TGM4: variants seen among roughly 807,000 people sequenced by gnomAD.
TGM4 encodes protein-glutamine gamma-glutamyltransferase 4.
TGM4 carries 61 observed loss-of-function variants against 76.3 expected under a neutral mutation model. The ratio of observed to expected loss-of-function variants is 0.80; its 90% CI spans 0.65 to 0.99. TGM4 has a LOEUF of 0.99. Among genes scored for constraint, TGM4 ranks in the 50% least tolerant of loss-of-function variants. TGM4 has a pLI of 0.00. For synonymous variants in TGM4, 337 were observed against 329.8 expected (o/e 1.02, Z -0.24); for missense variants, 794 against 843.2 (o/e 0.94, Z 0.72).
At position 44,913,609 on chromosome 3, in the gene TGM4, C is replaced by A; in HGVS notation, c.1939C>A (p.Gln647Lys). Residue 647 changes from glutamine (Q) to lysine (K), a missense_variant, in exon 14 of 14, where the codon CAA (glutamine) becomes AAA (lysine). Gln to Lys is a moderately conservative substitution (Grantham distance 53). Coordinates refer to ENST00000296125, the MANE Select transcript of TGM4 (RefSeq NM_003241.4). ...GACGGTGCAGCCTGGTGAGACCATC[C>A]AATCCCAAATAAAATGCACCCCAAT... ...HGTVQPGETI[Q>K]SQIKCTPIKT... 3 of 1,614,098 alleles carry A rather than the reference C, an allele frequency of 1.9e-6. No individual in the cohort carries two copies. The highest frequency in any genetic ancestry group is 2.5e-6 in the Non-Finnish European group (3 of 1,179,992).
rs573640591 is a variant in TGM4 at position 44,878,275 on chromosome 3, C to G, written c.19+3578C>G. Among the ~76,000 whole-genome samples the G allele has an allele frequency of 2.0e-5, 3 of 151,600 alleles. No individual in the cohort carries two copies. The South Asian group carries it at 6.2e-4, about 32-fold the overall frequency. On this transcript the variant is annotated intron_variant, in intron 1 of 13. Transcript: ENST00000296125. The stretch of plus-strand genomic sequence containing the variant: ...AAGAGAGAGAGAGAGAGAAGCAAGG[C>G]GCAGAATAGTGTATTGAGAAAGCTC...
At position 44,903,892 on chromosome 3, in the gene TGM4, A is replaced by C. The variant is rs1220946850; in HGVS notation, c.980A>C (p.His327Pro). 1 of 1,613,692 alleles carries C rather than the reference A, an allele frequency of 6.2e-7. No individual in the cohort carries two copies. The highest frequency in any genetic ancestry group is 1.3e-5 in the African/African-American group (1 of 74,918). Reference sequence around the variant, plus strand: ...TTCCCAATTTGCGGCAGGAATTTCCATGTGTGGACGGATGCCTGGATGAAG... The same window carrying C: ...TTCCCAATTTGCGGCAGGAATTTCCCTGTGTGGACGGATGCCTGGATGAAG... ...SMTHDSVWNFHVWTDAWMKRP... is the reference protein window; with the variant it reads ...SMTHDSVWNFPVWTDAWMKRP... The change falls in exon 9 of 14, where the codon CAT (histidine) becomes CCT (proline). Residue 327 changes from histidine to proline, a missense_variant. By Grantham distance (77) the His-to-Pro change is moderately conservative (BLOSUM62 -2). Transcript: ENST00000296125.
At chr3:44,893,469 C>T in intron 4 of TGM4, 108 bp from the exon 5 acceptor site, 3 of 932,962 alleles carry the variant, frequency 3.2e-6, no homozygotes, top group Admixed American at 3.6e-5. Context: ...TGTTCCAAGC[C>T]CCTCACAAAG....
At position 44,887,841 on chromosome 3, in the gene TGM4, G is replaced by T; in HGVS notation, c.300+46G>T. 1.9e-6 allele frequency: 3 copies of T among 1,560,914 alleles called. No individual in the cohort carries two copies. The East Asian group carries it at 6.8e-5, about 35-fold the overall frequency. On this transcript the variant is annotated intron_variant, in intron 3 of 13. Coordinates refer to ENST00000296125, the MANE Select transcript of TGM4 (RefSeq NM_003241.4). The stretch of plus-strand genomic sequence containing the variant: ...CGGGTGGGCTGGCTGGCTTCTGGCG[G>T]AATGCTCCTAATGTGAGCAGCCCCT...
chr3:44,897,506 C>T (rs1306695836), intron 6 of TGM4, among the ~76,000 whole-genome samples: 1 of 152,188 alleles, frequency 6.6e-6, no homozygotes, highest in African/African-American at 2.4e-5. Flanking sequence ...GGTTTTAGCA[C>T]TAAGAATACT....
chr3:44,878,813 T>C (rs1023492886), intron 1 of TGM4, among the ~76,000 whole-genome samples: 2 of 152,084 alleles, frequency 1.3e-5, no homozygotes, highest in Non-Finnish European at 2.9e-5. Context: ...TTCTTTGTGG[T>C]TCCTAAATAA....
At chr3:44,897,000 C>CTTTTTTTT (rs59154155) in intron 6 of TGM4, among the ~76,000 whole-genome samples, 184 bp downstream of exon 6, 1 of 104,402 alleles carries the variant, frequency 9.6e-6, no homozygotes, top group Non-Finnish European at 1.9e-5. Context: ...GTTTTCTTTT[C>CTTTTTTTT]TTTTTTTTTT....
At chr3:44,908,244 C>T (rs17077029) in intron 10 of TGM4, among the ~76,000 whole-genome samples, 1 of 152,128 alleles carries the variant, frequency 6.6e-6, no homozygotes, top group African/African-American at 2.4e-5. Context: ...TCAGAATGGA[C>T]GTGGATGGAG....
intron 2 of TGM4, 45 bp from the exon 3 acceptor site, chr3:44,887,644 G>A: frequency 6.4e-7 from 1 of 1,569,504 alleles, no homozygotes; most frequent in Non-Finnish European, 8.7e-7. Flanking sequence ...ATTGTCTTGG[G>A]GGTGGCCCAT....
At chr3:44,901,374 G>A (rs2125756778) in intron 6 of TGM4, 150 bp from the exon 7 acceptor site, 1 of 916,402 alleles carries the variant, frequency 1.1e-6, no homozygotes, top group Non-Finnish European at 1.6e-6. Context: ...GCCCTTCTGG[G>A]CACCCCACCT....
chr3:44,879,317 T>C (rs1441673604), intron 1 of TGM4, among the ~76,000 whole-genome samples: 4 of 148,830 alleles, frequency 2.7e-5, no homozygotes, highest in Non-Finnish European at 5.9e-5. Flanking sequence ...TTTATTTATT[T>C]ATTTTTGAGA....
intron 10 of TGM4, among the ~76,000 whole-genome samples, chr3:44,908,365 G>A (rs1290318452): frequency 4.6e-5 from 7 of 151,168 alleles, no homozygotes; most frequent in Non-Finnish European, 8.8e-5. Context: ...AAGCAATTAG[G>A]TCAGGAGTGT....
chr3:44,913,536 A>G (rs758455642), intron 13 of TGM4, 48 bp from the exon 14 acceptor site: 11 of 1,581,822 alleles, frequency 7.0e-6, no homozygotes, highest in Non-Finnish European at 9.4e-6. Flanking sequence ...CCCTCTTCCC[A>G]TAACATCCTT....
intron 2 of TGM4, 114 bp downstream of exon 2, chr3:44,885,612 TC>T (rs1192883414): frequency 1.3e-5 from 15 of 1,111,476 alleles, no homozygotes; most frequent in Non-Finnish European, 1.9e-5. Flanking sequence ...CCCTCCCTGA[TC>T]CCCAGTTTCT....
chr3:44,893,178 G>A (rs1402883828), intron 4 of TGM4, among the ~76,000 whole-genome samples: 2 of 152,114 alleles, frequency 1.3e-5, no homozygotes, highest in African/African-American at 4.8e-5. Flanking sequence ...TCACTGTGAT[G>A]GTTGCACAGT....
chr3:44,911,534 T>G, intron 13 of TGM4, 128 bp downstream of exon 13: 1 of 1,067,996 alleles, frequency 9.4e-7, no homozygotes, highest in Non-Finnish European at 1.3e-6. Context: ...ATTTTGCTAG[T>G]GCCAAATTAC....
Position 44,907,044 on chromosome 3 carries a change from G to C in TGM4, c.1171G>C (p.Gly391Arg), listed in dbSNP as rs768104990. ...DTRFVFSEVN[G>R]DRLIWLVKMV... ...CAGATTCGTCTTCTCAGAAGTGAAT[G>C]GTGACAGGCTCATCTGGTTGGTGAA... Residue 391 changes from glycine to arginine, a missense_variant, in exon 10 of 14, where the codon GGT becomes CGT. By Grantham distance (125) the Gly-to-Arg change is moderately radical (BLOSUM62 -2). Coordinates refer to ENST00000296125, the MANE Select transcript of TGM4 (RefSeq NM_003241.4). 25 of 1,614,014 alleles carry C rather than the reference G, an allele frequency of 1.5e-5. No individual in the cohort carries two copies. The highest frequency in any genetic ancestry group is 2.0e-5 in the Non-Finnish European group (24 of 1,180,038).
intron 9 of TGM4, among the ~76,000 whole-genome samples, chr3:44,906,528 T>G (rs1699923985): frequency 6.6e-6 from 1 of 152,206 alleles, no homozygotes; most frequent in Non-Finnish European, 1.5e-5. Flanking sequence ...TAATTTAATC[T>G]TCGCAATAGC....
At position 44,913,998 on chromosome 3, in the gene TGM4, C is replaced by T. The variant is rs1700046297; in HGVS notation, c.*273C>T. 3.6e-5 allele frequency: 13 copies of T among 365,538 alleles called. No homozygotes were observed. In the South Asian group the frequency reaches 6.0e-4, roughly 17 times the overall value. 22.6% of individuals were successfully genotyped at this position (365,538 alleles called of 1,614,324 possible). A position where few individuals can be genotyped will look rare whatever the true frequency, so the allele number is the denominator to read the frequency against. On this transcript the variant is annotated 3_prime_UTR_variant, in exon 14 of 14. Transcript: ENST00000296125. ...TCATGGCCTCAAAAATCAGGGCCAC[C>T]ATTGTCTCAATTCAAATCCATAGAT...
Sources: allele counts gnomAD v4.1 joint callset (sites outside exome capture counted in the v4.1 genomes callset), GRCh38; gene constraint gnomAD v4.1.1; transcripts MANE v1.5; gene names NCBI Gene and HGNC (gene_info 2026-07-23, HGNC 2026-07-21).